SORCS1: variants seen among roughly 807,000 people sequenced by gnomAD.
The protein encoded by SORCS1 is VPS10 domain-containing receptor SorCS1.
Under a neutral mutation model 146.1 loss-of-function variants are expected in SORCS1, and 60 were observed. That is an observed-to-expected ratio of 0.41 (90% confidence interval 0.33 to 0.51). The LOEUF (loss-of-function observed/expected upper bound fraction) is 0.51, where lower values mean the gene tolerates loss of function less well. SORCS1 is among the 20% of genes least tolerant of loss of function. The pLI is 0.21. For missense variants in SORCS1, 1,352 were observed against 1,487.6 expected, an observed-to-expected ratio of 0.91 and a Z score of 1.50; for synonymous variants, 637 against 584.0, an observed-to-expected ratio of 1.09 and a Z score of -1.31.
intron 5 of SORCS1, among the ~76,000 whole-genome samples, chr10:106,737,638 T>C (rs190670933): frequency 1.3e-5 from 2 of 152,112 alleles, no homozygotes; most frequent in Non-Finnish European, 2.9e-5. Context: ...GGCAGGCGAA[T>C]TGCTTGAACT....
At chr10:106,779,239 C>T (rs1589858496) in intron 3 of SORCS1, among the ~76,000 whole-genome samples, 2 of 152,212 alleles carry the variant, frequency 1.3e-5, no homozygotes, top group East Asian at 3.9e-4. Flanking sequence ...TCCCGGTGAG[C>T]TTTATAGGTA....
At chr10:106,877,769 C>T (rs1366154808) in intron 2 of SORCS1, among the ~76,000 whole-genome samples, 3 of 152,100 alleles carry the variant, frequency 2.0e-5, no homozygotes, top group African/African-American at 7.2e-5. Context: ...CTTTGAAATG[C>T]AGAACCGTAT....
intron 3 of SORCS1, among the ~76,000 whole-genome samples, chr10:106,795,109 A>C (rs1004158680): frequency 4.6e-5 from 7 of 152,210 alleles, no homozygotes; most frequent in African/African-American, 1.7e-4. Flanking sequence ...TTCTAAGTGA[A>C]ATTAAAAGTT....
chr10:106,684,423 G>A (rs1306348921), intron 10 of SORCS1, among the ~76,000 whole-genome samples: 1 of 152,076 alleles, frequency 6.6e-6, no homozygotes, highest in Non-Finnish European at 1.5e-5. Context: ...TTCCCTAAGG[G>A]CCCAAGGATT....
intron 18 of SORCS1, among the ~76,000 whole-genome samples, chr10:106,646,895 G>A (rs1038187119): frequency 8.6e-5 from 13 of 151,028 alleles, no homozygotes; most frequent in African/African-American, 2.9e-4. Flanking sequence ...GTGGGTGGGT[G>A]TGTGTCTATA....
At chr10:106,923,850 G>A (rs561609507) in intron 2 of SORCS1, among the ~76,000 whole-genome samples, 44 of 152,226 alleles carry the variant, frequency 2.9e-4, no homozygotes, top group African/African-American at 1.0e-3. Context: ...TTTTATTATT[G>A]AGTTGTAATA....
In SORCS1 at chr10:106,755,156, T is replaced by G. The variant is rs371317130; in HGVS notation, c.959+6432A>C. Reference sequence around the variant, plus strand: ...TAAGGCATTTGGATACCACTGATCGTCCACCACCATGTTCTTTGTTCAGTG... The same window carrying G: ...TAAGGCATTTGGATACCACTGATCGGCCACCACCATGTTCTTTGTTCAGTG... On this transcript the variant is annotated intron_variant, in intron 5 of 25. Transcript: ENST00000263054. Among the ~76,000 whole-genome samples, 11 of 152,326 alleles carry G rather than the reference T, an allele frequency of 7.2e-5. No individual in the cohort carries two copies. The East Asian group carries it at 2.1e-3, about 29-fold the overall frequency.
chr10:107,055,919 T>G (rs12253059), intron 1 of SORCS1, among the ~76,000 whole-genome samples: 84,099 of 151,988 alleles, frequency 0.55, 24,871 homozygotes, highest in African/African-American at 0.75. Context: ...TTCTTCTGAA[T>G]ACTGAAGTCA....
intron 10 of SORCS1, among the ~76,000 whole-genome samples, chr10:106,682,656 C>T (rs1024520759): frequency 1.3e-5 from 2 of 152,210 alleles, no homozygotes; most frequent in Non-Finnish European, 2.9e-5. Flanking sequence ...GCACATTTTG[C>T]CCAGGCTGGG....
chr10:106,609,799 T>A (rs1160093155), intron 22 of SORCS1, among the ~76,000 whole-genome samples: 1 of 152,208 alleles, frequency 6.6e-6, no homozygotes, highest in Non-Finnish European at 1.5e-5. Flanking sequence ...GGGCATCTGA[T>A]CTCTAAGTAA....
chr10:106,579,190 T>G (rs1367439301), intron 25 of SORCS1, 179 bp downstream of exon 25: 2 of 1,614,028 alleles, frequency 1.2e-6, no homozygotes, highest in Non-Finnish European at 1.7e-6. Flanking sequence ...CTGACTGGAC[T>G]GATCATCTCT....
At chr10:107,002,980 G>A (rs1344690217) in intron 1 of SORCS1, among the ~76,000 whole-genome samples, 1 of 152,148 alleles carries the variant, frequency 6.6e-6, no homozygotes, top group African/African-American at 2.4e-5. Flanking sequence ...TCTAGGCCGA[G>A]TGTGGTGGCT....
chr10:107,150,944 T>C (rs1422471787), intron 1 of SORCS1, among the ~76,000 whole-genome samples: 1 of 152,236 alleles, frequency 6.6e-6, no homozygotes, highest in Non-Finnish European at 1.5e-5. Context: ...GTCCCGGGTA[T>C]ATCTTTATTA....
intron 2 of SORCS1, among the ~76,000 whole-genome samples, chr10:106,881,153 G>C (rs1206432106): frequency 1.3e-5 from 2 of 150,278 alleles, no homozygotes; most frequent in Non-Finnish European, 3.0e-5. Context: ...CTTTAGAACA[G>C]AGAGGTTATG....
At chr10:106,736,869 C>A (rs1487515640) in intron 5 of SORCS1, among the ~76,000 whole-genome samples, 1 of 152,112 alleles carries the variant, frequency 6.6e-6, no homozygotes, top group Non-Finnish European at 1.5e-5. Flanking sequence ...ATAAATAGAT[C>A]AATAGATAAA....
chr10:106,651,865 GAT>G (rs1421736442), intron 18 of SORCS1, among the ~76,000 whole-genome samples: 1 of 152,152 alleles, frequency 6.6e-6, no homozygotes, highest in Non-Finnish European at 1.5e-5. Context: ...TGCTTTTAAT[GAT>G]ATCCCTGAGG....
Position 106,579,444 on chromosome 10 carries a change from C to G in SORCS1, c.3296G>C (p.Ser1099Thr), listed in dbSNP as rs1844770381. The G allele has an allele frequency of 6.2e-7, 1 of 1,613,878 alleles. No individual in the cohort carries two copies. The highest frequency in any genetic ancestry group is 8.5e-7 in the Non-Finnish European group (1 of 1,179,962). ...APLVDLTPTH[S>T]GSAMLMLLSV... ...GAGCAGCATCAGCATGGCAGATCCA[C>G]TGTGGGTTGGAGTGAGGTCCACCAG... The change falls in exon 25 of 26, where the codon AGT becomes ACT. Residue 1099 changes from serine to threonine, a missense_variant. Ser to Thr is a moderately conservative substitution (Grantham distance 58). Transcript: ENST00000263054.
At chr10:107,145,609 TA>T (rs1197433170) in intron 1 of SORCS1, among the ~76,000 whole-genome samples, 1 of 152,230 alleles carries the variant, frequency 6.6e-6, no homozygotes, top group Non-Finnish European at 1.5e-5. Context: ...TAAGCAGGTC[TA>T]AAAATAATAA....
At chr10:106,852,730 T>C (rs11593442) in intron 2 of SORCS1, among the ~76,000 whole-genome samples, 42,131 of 152,036 alleles carry the variant, frequency 0.28, 7,003 homozygotes, top group Non-Finnish European at 0.38. Flanking sequence ...TTTGTTATTT[T>C]CCCTCATCTA....
Sources: gnomAD v4.1 joint callset for allele counts (sites outside exome capture counted in the v4.1 genomes callset) on GRCh38, gnomAD v4.1.1 for gene constraint, MANE v1.5 for transcripts, NCBI Gene and HGNC (gene_info 2026-07-23, HGNC 2026-07-21) for gene names.